AXL: variants seen among roughly 807,000 people sequenced by gnomAD.
AXL encodes the protein tyrosine-protein kinase receptor UFO.
AXL carries 52 observed loss-of-function variants against 104.5 expected under a neutral mutation model. The ratio of observed to expected loss-of-function variants is 0.50; its 90% CI spans 0.40 to 0.63. AXL has a LOEUF of 0.63. AXL is among the 20% of genes least tolerant of loss of function. The probability of loss-of-function intolerance (pLI) is 0.00; values close to 1 mark genes in which losing one functional copy is unlikely to be tolerated. For synonymous variants in AXL, 455 were observed against 473.7 expected (o/e 0.96, Z 0.51); for missense variants, 1,024 against 1,188.5 (o/e 0.86, Z 2.04).
chr19:41,256,634 T>C, intron 18 of AXL, 23 bp downstream of exon 18: 1 of 1,606,592 alleles, frequency 6.2e-7, no homozygotes, highest in South Asian at 1.1e-5. Flanking sequence ...CCGCCAAGAG[T>C]GGGGAACCAT....
In AXL at chr19:41,219,341, T is replaced by C; in HGVS notation, c.-52T>C. 6.5e-7 allele frequency: 1 copy of C among 1,532,262 alleles called. No homozygotes were observed. The allele number at this position is 1,532,262 out of a possible 1,614,324, so 94.9% of individuals were successfully genotyped here. A position where few individuals can be genotyped will look rare whatever the true frequency, so the allele number is the denominator to read the frequency against. ...GGGAGGGCCGGGGACAGCCCGGCCC[T>C]GCCCCCTCCCCCGCTGGGAGCCCAA... On this transcript the variant is annotated 5_prime_UTR_variant, in exon 1 of 20. Coordinates refer to ENST00000301178, the MANE Select transcript of AXL (RefSeq NM_021913.5).
At position 41,223,178 on chromosome 19, in the gene AXL, C is replaced by T. The variant is rs765668189; in HGVS notation, c.586+1122C>T. Among the ~76,000 whole-genome samples the T allele has an allele frequency of 4.6e-5, 7 of 151,912 alleles. No individual in the cohort carries two copies. The South Asian group carries it at 6.2e-4, about 14-fold the overall frequency. On this transcript the variant is annotated intron_variant, in intron 4 of 19. Transcript: ENST00000301178. ...GGCGTGGTGACGGGCATCTGTAGTC[C>T]CAGCTACTTGGGAGGCTGAGGCAGG...
At chr19:41,229,840 A>C (rs2033944855) in intron 4 of AXL, among the ~76,000 whole-genome samples, 2 of 151,988 alleles carry the variant, frequency 1.3e-5, no homozygotes, top group African/African-American at 4.8e-5. Flanking sequence ...GTCTCCATTG[A>C]TGTACAGCCA....
intron 18 of AXL, among the ~76,000 whole-genome samples, chr19:41,257,227 A>G (rs1348774472): frequency 6.6e-6 from 1 of 151,996 alleles, no homozygotes; most frequent in Non-Finnish European, 1.5e-5. Context: ...TATTTTTAGT[A>G]GAGACGGGGT....
chr19:41,257,637 C>T lies in AXL; in HGVS notation c.2333+8C>T. The stretch of plus-strand genomic sequence containing the variant: ...GGACTGTCTGGATGGACTGTGAGGA[C>T]CCTTAGGTCTCCCCCAACCCAGAAT... On this transcript the variant is annotated splice_region_variant and intron_variant, in intron 19 of 19. Transcript: ENST00000301178. 1 of 1,614,050 alleles carries T rather than the reference C, an allele frequency of 6.2e-7. No homozygotes were observed. Among genetic ancestry groups the T allele is most frequent in the Non-Finnish European group, 8.5e-7 (1 of 1,179,956 alleles).
chr19:41,241,923 G>A (rs867580066), intron 10 of AXL, among the ~76,000 whole-genome samples: 25 of 152,210 alleles, frequency 1.6e-4, no homozygotes, highest in Middle Eastern at 3.4e-3. Flanking sequence ...TCCTTAGTCC[G>A]CCCTCCTTGC....
intron 6 of AXL, among the ~76,000 whole-genome samples, chr19:41,235,039 G>A (rs909709379): frequency 3.3e-5 from 5 of 152,140 alleles, no homozygotes; most frequent in African/African-American, 9.7e-5. Flanking sequence ...GACACTTGTT[G>A]CCAGGAAACA....
rs531865865 is a variant in AXL, at chr19:41,248,544, A to T, written c.1568A>T (p.Lys523Met). 145 of 1,614,212 alleles carry T rather than the reference A, an allele frequency of 9.0e-5. 1 individual carries two copies. The South Asian group carries it at 1.5e-3, about 17-fold the overall frequency. ...LNSLGISEEL[K>M]EKLRDVMVDR... ...AGCCTGGGCATCAGTGAAGAGCTGAAGGAGAAGCTGCGGGATGTGATGGTG... is the reference window on the plus strand; with the variant it reads ...AGCCTGGGCATCAGTGAAGAGCTGATGGAGAAGCTGCGGGATGTGATGGTG... Residue 523 changes from lysine (K) to methionine (M), a missense_variant, in exon 13 of 20, where the codon AAG (lysine) becomes ATG (methionine). Physicochemically the swap from Lys to Met is moderately conservative, Grantham distance 95. Coordinates refer to ENST00000301178, the MANE Select transcript of AXL (RefSeq NM_021913.5).
At chr19:41,252,469 T>A in intron 15 of AXL, 26 bp downstream of exon 15, 1 of 1,608,314 alleles carries the variant, frequency 6.2e-7, no homozygotes, top group Non-Finnish European at 8.5e-7. Context: ...ATTCAAGGGG[T>A]CTACAAGCCC....
chr19:41,245,279 G>C (rs1029782445), intron 12 of AXL, among the ~76,000 whole-genome samples: 1 of 152,206 alleles, frequency 6.6e-6, no homozygotes, highest in African/African-American at 2.4e-5. Flanking sequence ...TAGAGAGATA[G>C]AATCGATCTT....
intron 14 of AXL, among the ~76,000 whole-genome samples, chr19:41,250,401 A>G (rs931310390): frequency 6.6e-6 from 1 of 152,150 alleles, no homozygotes; most frequent in Admixed American, 6.6e-5. Context: ...TTCGTTCATT[A>G]TGGAGCACCT....
At chr19:41,250,982 C>T (rs760296876) in intron 14 of AXL, among the ~76,000 whole-genome samples, 2 of 152,098 alleles carry the variant, frequency 1.3e-5, no homozygotes, top group African/African-American at 4.8e-5. Flanking sequence ...GTTTGGGTCC[C>T]CAGGGCAGGT....
intron 2 of AXL, 63 bp from the exon 3 acceptor site, chr19:41,221,083 A>C (rs1032706009): frequency 1.4e-6 from 2 of 1,476,166 alleles, no homozygotes; most frequent in African/African-American, 1.4e-5. Context: ...CCGTTCTGAC[A>C]GACCCCCTCC....
chr19:41,221,284 A>T, intron 3 of AXL, 38 bp downstream of exon 3: 1 of 1,579,146 alleles, frequency 6.3e-7, no homozygotes, highest in Non-Finnish European at 8.7e-7. Flanking sequence ...GGGTCAGAGG[A>T]CATGTGGCGC....
chr19:41,251,501 G>A (rs1441678611), intron 14 of AXL, among the ~76,000 whole-genome samples: 1 of 151,634 alleles, frequency 6.6e-6, no homozygotes, highest in African/African-American at 2.4e-5. Flanking sequence ...GGCAGAGGTT[G>A]CAGTGAGCCA....
At chr19:41,252,639 G>T (rs1215330561) in intron 15 of AXL, among the ~76,000 whole-genome samples, 196 bp downstream of exon 15, 6 of 152,168 alleles carry the variant, frequency 3.9e-5, no homozygotes, top group Non-Finnish European at 8.8e-5. Context: ...AATAGCTGAG[G>T]TCCCCAGGAG....
intron 17 of AXL, among the ~76,000 whole-genome samples, chr19:41,255,414 CTCTTTCCCTT>C (rs1427803729): frequency 6.7e-6 from 1 of 149,828 alleles, no homozygotes; most frequent in African/African-American, 2.5e-5. Context: ...CCCTCCCTCT[CTCTTTCCCTT>C]TCTTTCCCTT....
At chr19:41,238,862 C>T (rs1418778246) in intron 8 of AXL, among the ~76,000 whole-genome samples, 1 of 152,054 alleles carries the variant, frequency 6.6e-6, no homozygotes, top group Admixed American at 6.6e-5. Context: ...AACGATTTTA[C>T]AGCAGATAGT....
Position 41,248,501 on chromosome 19 carries a change from A to C in AXL, c.1538-13A>C. On this transcript the variant is annotated splice_polypyrimidine_tract_variant and intron_variant, in intron 12 of 19. Coordinates refer to ENST00000301178, the MANE Select transcript of AXL (RefSeq NM_021913.5). ...CTGCTCCATGACTCTGTCCACCCCA[A>C]CCTTGCATGCAGTGAACAGCCTGGG... 6.2e-7 allele frequency: 1 copy of C among 1,614,006 alleles called. No individual in the cohort carries two copies. The highest frequency in any genetic ancestry group is 8.5e-7 in the Non-Finnish European group (1 of 1,179,846).
Sources: gnomAD v4.1 joint callset for allele counts (sites outside exome capture counted in the v4.1 genomes callset) on GRCh38, gnomAD v4.1.1 for gene constraint, MANE v1.5 for transcripts, NCBI Gene and HGNC (gene_info 2026-07-23, HGNC 2026-07-21) for gene names.